The following MAGI1 variants were observed in gnomAD, a reference collection of about 807,000 sequenced individuals.
MAGI1 encodes membrane associated guanylate kinase, WW and PDZ domain containing 1, also known as membrane-associated guanylate kinase, WW and PDZ domain-containing protein 1.
A neutral mutation model predicts 139.9 loss-of-function variants in MAGI1; 58 were observed. That is an observed-to-expected ratio of 0.41 (90% CI 0.34 to 0.52). The LOEUF (loss-of-function observed/expected upper bound fraction) is 0.52. Among genes scored for constraint, MAGI1 ranks in the 20% least tolerant of loss-of-function variants. The pLI is 0.12. For synonymous variants in MAGI1, 812 were observed against 737.9 expected, an observed-to-expected ratio of 1.10 and a Z score of -1.63; for missense variants, 1,874 against 1,901.6, an observed-to-expected ratio of 0.99 and a Z score of 0.27.
intron 1 of MAGI1, among the ~76,000 whole-genome samples, chr3:65,829,902 G>GTTGTGCT (rs2042434853): frequency 6.6e-6 from 1 of 152,190 alleles, no homozygotes; most frequent in Non-Finnish European, 1.5e-5. Context: ...TACATAAACA[G>GTTGTGCT]TTGTGCTTTC....
intron 2 of MAGI1, among the ~76,000 whole-genome samples, chr3:65,535,281 C>T (rs1286411639): frequency 1.3e-5 from 2 of 152,172 alleles, no homozygotes; most frequent in Non-Finnish European, 2.9e-5. Context: ...GGAAGATGTG[C>T]TTCAAGAGAT....
At chr3:65,841,704 G>A (rs1020946245) in intron 1 of MAGI1, among the ~76,000 whole-genome samples, 22 of 152,022 alleles carry the variant, frequency 1.4e-4, no homozygotes, top group Admixed American at 9.8e-4. Flanking sequence ...GGGATTACAG[G>A]CATGAGCCAC....
intron 2 of MAGI1, among the ~76,000 whole-genome samples, chr3:65,516,884 C>T (rs559962462): frequency 1.0e-5 from 1 of 97,844 alleles, no homozygotes; most frequent in African/African-American, 3.5e-5. Flanking sequence ...CCCGCCACTA[C>T]GCCCGGCTAA....
chr3:65,689,743 T>G (rs559047907), intron 1 of MAGI1, among the ~76,000 whole-genome samples: 4 of 152,330 alleles, frequency 2.6e-5, no homozygotes, highest in African/African-American at 4.8e-5. Context: ...TGCTCATTGA[T>G]TTACTCCATC....
chr3:65,789,110 G>C (rs1170817426), intron 1 of MAGI1, among the ~76,000 whole-genome samples: 1 of 152,156 alleles, frequency 6.6e-6, no homozygotes, highest in East Asian at 1.9e-4. Flanking sequence ...GGGCCTAGGA[G>C]GTGGAGGCTA....
At chr3:65,981,782 G>C (rs1204382439) in intron 1 of MAGI1, among the ~76,000 whole-genome samples, 1 of 152,122 alleles carries the variant, frequency 6.6e-6, no homozygotes, top group African/African-American at 2.4e-5. Context: ...CCTTTTGCCT[G>C]CTGCCATGTA....
chr3:65,955,166 G>C lies in MAGI1; in HGVS notation c.313+82830C>G, dbSNP rs183180534. Among the ~76,000 whole-genome samples the C allele has an allele frequency of 2.3e-3, 357 of 152,212 alleles. 2 individuals are homozygous for C. The highest frequency in any genetic ancestry group is 3.6e-3 in the Non-Finnish European group (245 of 68,004). ...AAACACAGAGACAGGGAGGAGGGGGGAAGCGAAGAAAACACGTTAGAGGTA... is the reference window on the plus strand; with the variant it reads ...AAACACAGAGACAGGGAGGAGGGGGCAAGCGAAGAAAACACGTTAGAGGTA... On this transcript the variant is annotated intron_variant, in intron 1 of 22. Coordinates refer to ENST00000402939, the MANE Select transcript of MAGI1 (RefSeq NM_001033057.2).
chr3:65,978,919 G>A (rs1253240435), intron 1 of MAGI1, among the ~76,000 whole-genome samples: 3 of 151,938 alleles, frequency 2.0e-5, no homozygotes, highest in South Asian at 2.1e-4. Context: ...GAGCCACCAC[G>A]CCTGGCTCAG....
At chr3:65,509,016 G>T (rs2077427219) in intron 2 of MAGI1, among the ~76,000 whole-genome samples, 1 of 152,156 alleles carries the variant, frequency 6.6e-6, no homozygotes, top group Non-Finnish European at 1.5e-5. Flanking sequence ...CATGATCCTG[G>T]AGCTCTTACA....
chr3:65,500,098 T>A (rs930135689), intron 2 of MAGI1, among the ~76,000 whole-genome samples: 1 of 152,206 alleles, frequency 6.6e-6, no homozygotes, highest in Admixed American at 6.5e-5. Context: ...AGGTTTCCCA[T>A]CTCATAGAAA....
At position 66,026,455 on chromosome 3, in the gene MAGI1, AT is replaced by A. The variant is rs566143048; in HGVS notation, c.313+11540del. 8.9e-4 allele frequency among the ~76,000 whole-genome samples: 133 copies of A among 150,262 alleles called. 1 individual carries two copies. Among genetic ancestry groups the A allele is most frequent in the African/African-American group, 3.1e-3 (128 of 40,994 alleles). Reference sequence around the variant, plus strand: ...TTTCTAGCCAACAAGATCTCAGACAATTTTTTTTTTAATTTTGCCTACTCAT... The same window carrying A: ...TTTCTAGCCAACAAGATCTCAGACAATTTTTTTTTAATTTTGCCTACTCAT... On this transcript the variant is annotated intron_variant, in intron 1 of 22. Coordinates refer to ENST00000402939, the MANE Select transcript of MAGI1 (RefSeq NM_001033057.2).
chr3:65,631,526 AATCT>A (rs1247141515), intron 1 of MAGI1, among the ~76,000 whole-genome samples: 3 of 152,174 alleles, frequency 2.0e-5, no homozygotes, highest in African/African-American at 7.2e-5. Flanking sequence ...CCTTGAACAA[AATCT>A]ATCTGTGTAC....
At chr3:65,657,233 A>G (rs1311320069) in intron 1 of MAGI1, among the ~76,000 whole-genome samples, 1 of 152,032 alleles carries the variant, frequency 6.6e-6, no homozygotes, top group Non-Finnish European at 1.5e-5. Flanking sequence ...AGGAGATACA[A>G]TAAGTGTGGC....
At chr3:65,579,769 A>C (rs1345025660) in intron 2 of MAGI1, among the ~76,000 whole-genome samples, 1 of 151,202 alleles carries the variant, frequency 6.6e-6, no homozygotes, top group African/African-American at 2.4e-5. Context: ...ATCACCTGAA[A>C]CTGGGAGGTG....
chr3:65,367,180 T>C lies in MAGI1; in HGVS notation c.3197-2234A>G, dbSNP rs549098896. On this transcript the variant is annotated intron_variant, in intron 18 of 22. Transcript: ENST00000402939. ...CAATCAGGATACTAAAAAGAATGTC[T>C]CCTTGTAATCAAAGTGATTATAATG... Among the ~76,000 whole-genome samples, 8 of 152,330 alleles carry C rather than the reference T, an allele frequency of 5.3e-5. No individual in the cohort carries two copies. In the East Asian group the frequency reaches 1.5e-3, roughly 29 times the overall value.
intron 1 of MAGI1, among the ~76,000 whole-genome samples, chr3:65,639,604 C>T (rs2084863827): frequency 6.6e-6 from 1 of 152,148 alleles, no homozygotes; most frequent in African/African-American, 2.4e-5. Flanking sequence ...ACATTTGTAT[C>T]AACGGACTGA....
At chr3:65,471,591 T>C (rs1950562962) in intron 4 of MAGI1, among the ~76,000 whole-genome samples, 1 of 152,124 alleles carries the variant, frequency 6.6e-6, no homozygotes, top group Non-Finnish European at 1.5e-5. Flanking sequence ...TTCCCAGCCC[T>C]GCATCTATTT....
intron 5 of MAGI1, among the ~76,000 whole-genome samples, chr3:65,458,979 A>T (rs1027632909): frequency 2.0e-4 from 30 of 152,176 alleles, no homozygotes; most frequent in African/African-American, 7.0e-4. Context: ...TGACTTTAGT[A>T]TATGGAGAGA....
intron 7 of MAGI1, among the ~76,000 whole-genome samples, chr3:65,446,899 T>C (rs1179362048): frequency 6.6e-6 from 1 of 152,208 alleles, no homozygotes; most frequent in African/African-American, 2.4e-5. Context: ...AACAGACAGG[T>C]TCCAAATGTT....
Sources: allele counts gnomAD v4.1 joint callset (sites outside exome capture counted in the v4.1 genomes callset), GRCh38; gene constraint gnomAD v4.1.1; transcripts MANE v1.5; gene names NCBI Gene and HGNC (gene_info 2026-07-23, HGNC 2026-07-21).